Variants in BMPR1B observed in about 807,000 individuals in gnomAD.
BMPR1B encodes bone morphogenetic protein receptor type 1B, also known as bone morphogenetic protein receptor type-1B.
Under a neutral mutation model 59.1 loss-of-function variants are expected in BMPR1B, and 12 were observed. That is an observed-to-expected ratio of 0.20 (90% CI 0.13 to 0.33). BMPR1B has a LOEUF of 0.33. BMPR1B is among the 10% of genes least tolerant of loss of function. The pLI is 1.00. For synonymous variants in BMPR1B, 237 were observed against 207.3 expected, an observed-to-expected ratio of 1.14 and a Z score of -1.23; for missense variants, 550 against 610.9, an observed-to-expected ratio of 0.90 and a Z score of 1.05.
At chr4:94,918,829 T>G (rs909295178) in intron 2 of BMPR1B, among the ~76,000 whole-genome samples, 1 of 152,210 alleles carries the variant, frequency 6.6e-6, no homozygotes, top group Non-Finnish European at 1.5e-5. Context: ...ATTACTCTTA[T>G]TATATGGCAT....
chr4:95,139,842 C>T (rs1406957363), intron 10 of BMPR1B, among the ~76,000 whole-genome samples: 1 of 152,200 alleles, frequency 6.6e-6, no homozygotes, highest in African/African-American at 2.4e-5. Context: ...TCATGGCTTC[C>T]CTTGGCTAGG....
At chr4:95,140,080 T>C (rs1359814972) in intron 10 of BMPR1B, among the ~76,000 whole-genome samples, 1 of 152,190 alleles carries the variant, frequency 6.6e-6, no homozygotes, top group African/African-American at 2.4e-5. Flanking sequence ...CACCTGCTGT[T>C]TTTAGTCTCC....
chr4:94,930,924 C>A (rs1305443483), intron 2 of BMPR1B, among the ~76,000 whole-genome samples: 1 of 151,602 alleles, frequency 6.6e-6, no homozygotes, highest in Non-Finnish European at 1.5e-5. Context: ...AAAACTTTAC[C>A]CCATCTTTTG....
intron 2 of BMPR1B, among the ~76,000 whole-genome samples, chr4:94,915,717 G>A (rs1391151951): frequency 2.6e-5 from 4 of 152,146 alleles, no homozygotes; most frequent in African/African-American, 9.7e-5. Flanking sequence ...TTGTGTATGT[G>A]TACAATCACG....
chr4:94,934,082 A>G (rs1164887507), intron 2 of BMPR1B, among the ~76,000 whole-genome samples: 3 of 152,174 alleles, frequency 2.0e-5, no homozygotes, highest in African/African-American at 7.2e-5. Flanking sequence ...GCATATGTGC[A>G]TGAGTGCACA....
At chr4:95,135,363 A>G (rs930522166) in intron 10 of BMPR1B, among the ~76,000 whole-genome samples, 4 of 152,130 alleles carry the variant, frequency 2.6e-5, no homozygotes, top group African/African-American at 7.2e-5. Context: ...TTGGTTCCAT[A>G]TAAACTTTAA....
chr4:95,118,660 G>T (rs1452197586), intron 6 of BMPR1B, among the ~76,000 whole-genome samples: 1 of 152,178 alleles, frequency 6.6e-6, no homozygotes, highest in Non-Finnish European at 1.5e-5. Context: ...AGAGCTGAAA[G>T]CTGTGGGCTC....
intron 2 of BMPR1B, among the ~76,000 whole-genome samples, chr4:94,888,149 A>G (rs1222645795): frequency 3.9e-5 from 6 of 151,984 alleles, no homozygotes; most frequent in Non-Finnish European, 4.4e-5. Flanking sequence ...TATCCAAACT[A>G]TTTTTCAATT....
At chr4:94,975,530 AT>A (rs530473274) in intron 2 of BMPR1B, among the ~76,000 whole-genome samples, 83 of 144,682 alleles carry the variant, frequency 5.7e-4, no homozygotes, top group African/African-American at 1.4e-3. Flanking sequence ...GCCTGGCTAA[AT>A]TTTTTTTTTT....
chr4:94,966,449 CATTTAAGT>C (rs1730558731), intron 2 of BMPR1B, among the ~76,000 whole-genome samples: 1 of 151,998 alleles, frequency 6.6e-6, no homozygotes, highest in South Asian at 2.1e-4. Flanking sequence ...GAAAGTAGAA[CATTTAAGT>C]ACCCATGGAA....
rs190689573 is a variant in BMPR1B at position 94,921,988 on chromosome 4, T to C, written c.-113+46088T>C. On this transcript the variant is annotated intron_variant, in intron 2 of 12. Coordinates refer to ENST00000515059, the MANE Select transcript of BMPR1B (RefSeq NM_001203.3). Reference sequence around the variant, plus strand: ...TAGCATGTTTTCTTTCCTTTTTTGTTGGCTGGGGAGGGGCAGAGCCTTGCT... The same window carrying C: ...TAGCATGTTTTCTTTCCTTTTTTGTCGGCTGGGGAGGGGCAGAGCCTTGCT... 8.5e-5 allele frequency among the ~76,000 whole-genome samples: 13 copies of C among 152,262 alleles called. No homozygotes were observed. The East Asian group carries it at 2.1e-3, about 25-fold the overall frequency.
chr4:95,040,849 C>T (rs1002832582), intron 3 of BMPR1B, among the ~76,000 whole-genome samples: 2 of 152,150 alleles, frequency 1.3e-5, no homozygotes, highest in African/African-American at 2.4e-5. Context: ...CAAACTCAGA[C>T]TCTTCCAGTG....
chr4:94,921,544 G>C (rs776932490), intron 2 of BMPR1B, among the ~76,000 whole-genome samples: 2 of 151,922 alleles, frequency 1.3e-5, no homozygotes, highest in Non-Finnish European at 2.9e-5. Flanking sequence ...ACAGAGGAAT[G>C]GGGGGAGGTA....
At chr4:95,090,777 T>C (rs1262576748) in intron 3 of BMPR1B, among the ~76,000 whole-genome samples, 1 of 152,084 alleles carries the variant, frequency 6.6e-6, no homozygotes, top group African/African-American at 2.4e-5. Flanking sequence ...CTAATAAATA[T>C]TTCATTCTGT....
chr4:94,981,265 G>T (rs1486030455), intron 2 of BMPR1B, among the ~76,000 whole-genome samples: 1 of 151,614 alleles, frequency 6.6e-6, no homozygotes, highest in African/African-American at 2.4e-5. Context: ...GTGCAGTGGC[G>T]CAATCACTGC....
chr4:94,873,643 T>C (rs1726593280), intron 1 of BMPR1B, among the ~76,000 whole-genome samples: 2 of 152,044 alleles, frequency 1.3e-5, no homozygotes, highest in African/African-American at 4.8e-5. Context: ...CTCCTGACCT[T>C]GTGATCTGCC....
At chr4:95,134,463 A>G (rs2149306080) in intron 10 of BMPR1B, among the ~76,000 whole-genome samples, 1 of 152,280 alleles carries the variant, frequency 6.6e-6, no homozygotes, top group Non-Finnish European at 1.5e-5. Context: ...ACAATGGTTG[A>G]ACTAGTTTAC....
chr4:94,983,008 G>A (rs199876260), intron 2 of BMPR1B, among the ~76,000 whole-genome samples: 8 of 148,860 alleles, frequency 5.4e-5, no homozygotes, highest in Admixed American at 4.7e-4. Context: ...AAAAACAAAC[G>A]AAAAAAAAAT....
At chr4:94,883,705 G>A (rs578072168) in intron 2 of BMPR1B, among the ~76,000 whole-genome samples, 2 of 152,138 alleles carry the variant, frequency 1.3e-5, no homozygotes, top group Admixed American at 1.3e-4. Flanking sequence ...TTAAAGATAT[G>A]TCAATAAATT....
Sources: allele counts gnomAD v4.1 joint callset (sites outside exome capture counted in the v4.1 genomes callset), GRCh38; gene constraint gnomAD v4.1.1; transcripts MANE v1.5; gene names NCBI Gene and HGNC (gene_info 2026-07-23, HGNC 2026-07-21).